Variants in EYA2 observed in about 807,000 individuals in gnomAD.
EYA2 encodes protein phosphatase EYA2.
A neutral mutation model predicts 69.2 loss-of-function variants in EYA2; 31 were observed. That is an observed-to-expected ratio of 0.45 (90% CI 0.34 to 0.60). The LOEUF (loss-of-function observed/expected upper bound fraction) is 0.60. Among genes scored for constraint, EYA2 ranks in the 20% least tolerant of loss-of-function variants. The pLI is 0.02. For missense variants in EYA2, 622 were observed against 701.2 expected (o/e 0.89, Z 1.28); for synonymous variants, 257 against 279.4 (o/e 0.92, Z 0.80).
intron 1 of EYA2, among the ~76,000 whole-genome samples, chr20:46,899,581 C>T (rs1316406315): frequency 1.3e-5 from 2 of 152,168 alleles, no homozygotes; most frequent in African/African-American, 4.8e-5. Context: ...TCAAGTTTAC[C>T]GGAAGGTGCT....
chr20:47,010,177 T>A (rs1982969168), intron 4 of EYA2, among the ~76,000 whole-genome samples: 2 of 152,210 alleles, frequency 1.3e-5, no homozygotes, highest in Admixed American at 1.3e-4. Flanking sequence ...TTCTTCACTA[T>A]CCTGGATAAT....
At chr20:47,101,758 A>G (rs757667814) in intron 9 of EYA2, among the ~76,000 whole-genome samples, 3 of 152,202 alleles carry the variant, frequency 2.0e-5, no homozygotes, top group South Asian at 2.1e-4. Context: ...CTAAGCTTGG[A>G]TGTCAGAGAA....
At chr20:46,915,562 T>G (rs1263754003) in intron 1 of EYA2, among the ~76,000 whole-genome samples, 1 of 152,200 alleles carries the variant, frequency 6.6e-6, no homozygotes, top group East Asian at 1.9e-4. Context: ...CAGGCCCACT[T>G]TCTTCCTTCT....
chr20:47,119,880 A>C (rs776768480), intron 9 of EYA2, among the ~76,000 whole-genome samples: 2 of 151,932 alleles, frequency 1.3e-5, no homozygotes, highest in Non-Finnish European at 2.9e-5. Context: ...CAGCCTGGGC[A>C]ACATAGTAAG....
At chr20:46,952,542 C>T (rs533850401) in intron 1 of EYA2, among the ~76,000 whole-genome samples, 1 of 152,282 alleles carries the variant, frequency 6.6e-6, no homozygotes, top group South Asian at 2.1e-4. Context: ...TTTTCTAGTT[C>T]CTCTGCTGAA....
chr20:46,937,663 T>TA (rs1177698596), intron 1 of EYA2, among the ~76,000 whole-genome samples: 1 of 151,354 alleles, frequency 6.6e-6, no homozygotes, highest in African/African-American at 2.4e-5. Flanking sequence ...TTTTTTTTTT[T>TA]TTTTTGTCCT....
intron 5 of EYA2, among the ~76,000 whole-genome samples, chr20:47,028,409 G>A (rs1984216659): frequency 6.6e-6 from 1 of 152,236 alleles, no homozygotes; most frequent in Admixed American, 6.5e-5. Flanking sequence ...TTTTGAAGAT[G>A]CTTCACCTTC....
chr20:47,013,735 G>A (rs1306847345), intron 4 of EYA2, among the ~76,000 whole-genome samples: 1 of 152,192 alleles, frequency 6.6e-6, no homozygotes, highest in East Asian at 1.9e-4. Flanking sequence ...CAGGGCCTTG[G>A]GGGTCACTGC....
intron 1 of EYA2, among the ~76,000 whole-genome samples, chr20:46,976,337 C>G (rs1316692779): frequency 6.6e-6 from 1 of 152,088 alleles, no homozygotes; most frequent in African/African-American, 2.4e-5. Flanking sequence ...CAACAAGGCC[C>G]TGTATCTATA....
At chr20:47,051,216 C>T (rs1388752257) in intron 5 of EYA2, among the ~76,000 whole-genome samples, 2 of 152,258 alleles carry the variant, frequency 1.3e-5, no homozygotes, top group Non-Finnish European at 2.9e-5. Context: ...TTCGCCATTG[C>T]AGTGTATGCA....
chr20:46,924,183 G>C (rs1396890173), intron 1 of EYA2, among the ~76,000 whole-genome samples: 1 of 152,168 alleles, frequency 6.6e-6, no homozygotes, highest in African/African-American at 2.4e-5. Context: ...GTTTTAGGAA[G>C]TGAGTCAATT....
At chr20:47,092,770 T>C (rs538793355) in intron 8 of EYA2, among the ~76,000 whole-genome samples, 1 of 152,266 alleles carries the variant, frequency 6.6e-6, no homozygotes, top group Admixed American at 6.5e-5. Flanking sequence ...GTGTGAGCTG[T>C]GTTTCACTTC....
chr20:47,067,112 G>T (rs2031140520), intron 5 of EYA2, among the ~76,000 whole-genome samples: 2 of 152,174 alleles, frequency 1.3e-5, no homozygotes, highest in Admixed American at 1.3e-4. Context: ...ATAAACAAGA[G>T]ACTATTTTGG....
chr20:47,107,136 TGGGGATGC>T (rs1283501292), intron 9 of EYA2, among the ~76,000 whole-genome samples: 1 of 152,078 alleles, frequency 6.6e-6, no homozygotes, highest in Non-Finnish European at 1.5e-5. Flanking sequence ...TTCTAGGCCC[TGGGGATGC>T]GGCAGGGAAC....
At chr20:47,135,126 CAAA>C (rs11484435) in intron 9 of EYA2, among the ~76,000 whole-genome samples, 1 of 58,498 alleles carries the variant, frequency 1.7e-5, no homozygotes. Flanking sequence ...GACTCCATAT[CAAA>C]AAAAAAAAAA....
intron 9 of EYA2, among the ~76,000 whole-genome samples, chr20:47,133,827 C>T (rs1195308461): frequency 6.6e-6 from 1 of 152,214 alleles, no homozygotes; most frequent in East Asian, 1.9e-4. Flanking sequence ...TGTCCAGGGT[C>T]TTATTGGGGG....
chr20:47,136,613 C>T (rs1171616618), intron 9 of EYA2, among the ~76,000 whole-genome samples: 1 of 151,940 alleles, frequency 6.6e-6, no homozygotes, highest in East Asian at 1.9e-4. Context: ...TGTGCTAGCA[C>T]ACGTCTCTAG....
At chr20:47,175,567 A>G (rs1401616723) in intron 12 of EYA2, among the ~76,000 whole-genome samples, 1 of 152,202 alleles carries the variant, frequency 6.6e-6, no homozygotes, top group African/African-American at 2.4e-5. Flanking sequence ...CACACAGGAA[A>G]GGTGCTCAGA....
intron 1 of EYA2, among the ~76,000 whole-genome samples, chr20:46,929,551 G>A (rs1985572825): frequency 6.6e-6 from 1 of 152,088 alleles, no homozygotes. Context: ...GCAGTAGTGA[G>A]TGGACTGTCC....
Sources: allele counts gnomAD v4.1 joint callset (sites outside exome capture counted in the v4.1 genomes callset), GRCh38; gene constraint gnomAD v4.1.1; transcripts MANE v1.5; gene names NCBI Gene and HGNC (gene_info 2026-07-23, HGNC 2026-07-21).